Variants in CLMP observed in about 807,000 individuals in gnomAD.
CLMP encodes the protein CXADR like cell adhesion molecule, also known as CXADR-like membrane protein.
CLMP carries 27 observed loss-of-function variants against 45.2 expected under a neutral mutation model. The observed-to-expected ratio is 0.60, with a 90% CI of 0.44 to 0.82. The LOEUF (loss-of-function observed/expected upper bound fraction) is 0.82. Among genes scored for constraint, CLMP ranks in the 40% least tolerant of loss-of-function variants. The probability of loss-of-function intolerance (pLI) is 0.00; values close to 1 mark genes in which losing one functional copy is unlikely to be tolerated. For synonymous variants in CLMP, 167 were observed against 171.4 expected, an observed-to-expected ratio of 0.97 and a Z score of 0.20; for missense variants, 403 against 448.4, an observed-to-expected ratio of 0.90 and a Z score of 0.91.
intron 1 of CLMP, among the ~76,000 whole-genome samples, chr11:123,131,237 T>C (rs905949177): frequency 1.1e-4 from 17 of 152,310 alleles, no homozygotes; most frequent in African/African-American, 3.8e-4. Flanking sequence ...TTTAGATCTT[T>C]TTCTCATCCC....
At chr11:123,169,475 C>T (rs2135539616) in intron 1 of CLMP, among the ~76,000 whole-genome samples, 1 of 152,298 alleles carries the variant, frequency 6.6e-6, no homozygotes, top group Admixed American at 6.5e-5. Context: ...GACACTGAGC[C>T]TAGGTCTGAC....
At chr11:123,103,836 T>C (rs950910693) in intron 1 of CLMP, among the ~76,000 whole-genome samples, 2 of 150,480 alleles carry the variant, frequency 1.3e-5, no homozygotes, top group Non-Finnish European at 3.0e-5. Context: ...CTGTCTCTTT[T>C]TTTTTTTTTT....
chr11:123,127,940 G>C (rs1400930823), intron 1 of CLMP, among the ~76,000 whole-genome samples: 2 of 151,138 alleles, frequency 1.3e-5, no homozygotes, highest in Non-Finnish European at 2.9e-5. Flanking sequence ...AGGAGGCTGA[G>C]GCAGGAGAAT....
chr11:123,136,131 C>A, intron 1 of CLMP: 1 of 623,392 alleles, frequency 1.6e-6, no homozygotes, highest in Non-Finnish European at 3.1e-6. Context: ...AGCAATCTGA[C>A]GGCAAGAAAG....
chr11:123,131,692 TG>T (rs35894287), intron 1 of CLMP, among the ~76,000 whole-genome samples: 37,370 of 151,790 alleles, frequency 0.25, 5,220 homozygotes, highest in Non-Finnish European at 0.32. Flanking sequence ...CTCGGTTCAC[TG>T]CAACCCCTGT....
At chr11:123,075,287 T>G (rs1250249473) in intron 5 of CLMP, among the ~76,000 whole-genome samples, 2 of 151,726 alleles carry the variant, frequency 1.3e-5, no homozygotes, top group Non-Finnish European at 2.9e-5. Flanking sequence ...TGAGTAGTAC[T>G]GCATTACTCT....
At chr11:123,131,983 C>T (rs1311827735) in intron 1 of CLMP, among the ~76,000 whole-genome samples, 1 of 152,104 alleles carries the variant, frequency 6.6e-6, no homozygotes, top group Non-Finnish European at 1.5e-5. Context: ...ACATGGCTCT[C>T]ATAAGGATTA....
chr11:123,167,525 T>G (rs1459041367), intron 1 of CLMP, among the ~76,000 whole-genome samples: 1 of 150,034 alleles, frequency 6.7e-6, no homozygotes, highest in Admixed American at 6.6e-5. Context: ...GACCTCGTGA[T>G]CCGCCTGCCT....
intron 1 of CLMP, among the ~76,000 whole-genome samples, chr11:123,119,177 G>A (rs1016518495): frequency 4.6e-5 from 7 of 150,784 alleles, no homozygotes; most frequent in Admixed American, 3.3e-4. Context: ...TCCACCTCCC[G>A]GGATCAAGCG....
chr11:123,099,184 A>T (rs1187356481), intron 1 of CLMP, among the ~76,000 whole-genome samples: 1 of 152,178 alleles, frequency 6.6e-6, no homozygotes. Flanking sequence ...TTCCAAGAAG[A>T]TGATACTCAT....
intron 1 of CLMP, chr11:123,136,369 C>T (rs1274488668): frequency 5.5e-6 from 3 of 547,862 alleles, no homozygotes; most frequent in Non-Finnish European, 1.1e-5. Context: ...CTTGGGGAGC[C>T]GGGTTCAGGT....
At chr11:123,145,884 A>G (rs1477306809) in intron 1 of CLMP, among the ~76,000 whole-genome samples, 1 of 152,188 alleles carries the variant, frequency 6.6e-6, no homozygotes, top group African/African-American at 2.4e-5. Context: ...GCCATCTGCT[A>G]CTTTACTTAT....
At chr11:123,166,345 C>T (rs1371561913) in intron 1 of CLMP, among the ~76,000 whole-genome samples, 1 of 152,226 alleles carries the variant, frequency 6.6e-6, no homozygotes, top group Non-Finnish European at 1.5e-5. Flanking sequence ...TATAAATGGT[C>T]ATGGGGGAAG....
At chr11:123,148,830 C>A (rs1251678189) in intron 1 of CLMP, among the ~76,000 whole-genome samples, 2 of 152,206 alleles carry the variant, frequency 1.3e-5, no homozygotes, top group African/African-American at 2.4e-5. Flanking sequence ...ACTTCTTCTC[C>A]AACTTACTGC....
intron 1 of CLMP, among the ~76,000 whole-genome samples, chr11:123,105,017 A>G (rs1056100217): frequency 6.6e-6 from 1 of 152,198 alleles, no homozygotes. Context: ...CTGCCTCCTT[A>G]GGCACAGGCA....
rs568403829 is a variant in CLMP, at chr11:123,102,581, GT to G, written c.29-4630del. ...GGTGACAGCCACCGTGCCCAGCCAG[GT>G]TTTTTTTTTTTTTGAGATAGTCTTG... is the stretch of plus-strand genomic sequence containing the variant. On this transcript the variant is annotated intron_variant, in intron 1 of 6. Coordinates refer to ENST00000448775, the MANE Select transcript of CLMP (RefSeq NM_024769.5). Among the ~76,000 whole-genome samples the G allele has an allele frequency of 2.4e-3, 287 of 121,474 alleles. 1 individual carries two copies. Among genetic ancestry groups the G allele is most frequent in the Middle Eastern group, 6.8e-3 (1 of 146 alleles). The allele number at this position is 121,474 out of a possible 152,430, so 79.7% of individuals were successfully genotyped here. A position where few individuals can be genotyped will look rare whatever the true frequency, so the allele number is the denominator to read the frequency against.
intron 1 of CLMP, among the ~76,000 whole-genome samples, chr11:123,174,977 A>G (rs1861678998): frequency 6.6e-6 from 1 of 152,148 alleles, no homozygotes; most frequent in South Asian, 2.1e-4. Flanking sequence ...TTTTAGAGAC[A>G]AGATCTCGTT....
At chr11:123,136,282 TG>T in intron 1 of CLMP, 1 of 649,002 alleles carries the variant, frequency 1.5e-6, no homozygotes, top group Non-Finnish European at 3.0e-6. Flanking sequence ...GGCCAAACAC[TG>T]GATTCCACCA....
chr11:123,119,464 C>T (rs747991714), intron 1 of CLMP, among the ~76,000 whole-genome samples: 2 of 152,082 alleles, frequency 1.3e-5, no homozygotes, highest in African/African-American at 2.4e-5. Flanking sequence ...ACAGGGGTAA[C>T]GAAGAACAAG....
Sources: allele counts gnomAD v4.1 joint callset (sites outside exome capture counted in the v4.1 genomes callset), GRCh38; gene constraint gnomAD v4.1.1; transcripts MANE v1.5; gene names NCBI Gene and HGNC (gene_info 2026-07-23, HGNC 2026-07-21).